MBOAT2: variants seen among roughly 807,000 people sequenced by gnomAD.
MBOAT2 encodes the protein membrane-bound glycerophospholipid O-acyltransferase 2.
Under a neutral mutation model 63.4 loss-of-function variants are expected in MBOAT2, and 28 were observed. That is an observed-to-expected ratio of 0.44 (90% CI 0.33 to 0.61). MBOAT2 has a LOEUF of 0.61. Among genes scored for constraint, MBOAT2 ranks in the 20% least tolerant of loss-of-function variants. The probability of loss-of-function intolerance (pLI) is 0.03; values close to 1 mark genes in which losing one functional copy is unlikely to be tolerated. For synonymous variants in MBOAT2, 211 were observed against 215.6 expected, an observed-to-expected ratio of 0.98 and a Z score of 0.19; for missense variants, 470 against 605.8, an observed-to-expected ratio of 0.78 and a Z score of 2.35.
chr2:8,941,775 A>G (rs1031225368), intron 3 of MBOAT2, among the ~76,000 whole-genome samples: 1 of 152,196 alleles, frequency 6.6e-6, no homozygotes, highest in Non-Finnish European at 1.5e-5. Context: ...GTACAGGTCT[A>G]AAGTATTACA....
At chr2:8,891,425 A>G (rs1455680578) in intron 4 of MBOAT2, among the ~76,000 whole-genome samples, 1 of 152,208 alleles carries the variant, frequency 6.6e-6, no homozygotes, top group African/African-American at 2.4e-5. Flanking sequence ...GGGAAAGGGC[A>G]TATCTCACCC....
chr2:8,937,670 C>T (rs1440035696), intron 3 of MBOAT2, among the ~76,000 whole-genome samples: 1 of 152,116 alleles, frequency 6.6e-6, no homozygotes, highest in Admixed American at 6.5e-5. Context: ...CACAGGGAAC[C>T]ACGCCTGCAG....
At chr2:8,912,345 AAGAAAGAGAAAGAAAGAAAGAAAGAAAG>A (rs1307776430) in intron 3 of MBOAT2, among the ~76,000 whole-genome samples, 3 of 87,708 alleles carry the variant, frequency 3.4e-5, no homozygotes, top group Non-Finnish European at 7.2e-5. Flanking sequence ...GAAAGAAAGA[AAGAAAGAGAAAGAAAGAAAGAAAGAAAG>A]AGAAAGAAAG....
At chr2:8,934,297 C>T (rs759988246) in intron 3 of MBOAT2, among the ~76,000 whole-genome samples, 1 of 152,174 alleles carries the variant, frequency 6.6e-6, no homozygotes, top group African/African-American at 2.4e-5. Flanking sequence ...ACAAACTCTC[C>T]TCAGTCTATT....
Position 8,858,864 on chromosome 2 carries a change from A to C in MBOAT2, c.1378T>G (p.Leu460Val), listed in dbSNP as rs1458494185. The change falls in exon 13 of 13, where the codon TTA becomes GTA. Residue 460 changes from leucine (L) to valine (V), a missense_variant. Leu to Val is a conservative substitution (Grantham distance 32, BLOSUM62 1). This residue lies in a region of MBOAT2 where 90 missense variants were observed against 84.9 expected (regional missense o/e 1.06). Transcript: ENST00000305997. The part of the protein sequence containing the change: ...YCLHILGILV[L>V]LLLPVKKTQR... ...GTTTTTTTCACTGGCAACAACAATA[A>C]TACTAAGATACCAAGAATGTGCAGG... 4 of 1,613,220 alleles carry C rather than the reference A, an allele frequency of 2.5e-6. No individual in the cohort carries two copies. The highest frequency in any genetic ancestry group is 1.1e-5 in the South Asian group (1 of 91,046).
Position 8,898,147 on chromosome 2 carries a change from C to T in MBOAT2, c.396-10074G>A, listed in dbSNP as rs995339929. Among the ~76,000 whole-genome samples the T allele has an allele frequency of 6.6e-5, 10 of 152,298 alleles. No individual in the cohort carries two copies. The South Asian group carries it at 1.0e-3, about 16-fold the overall frequency. The stretch of plus-strand genomic sequence containing the variant: ...AGGACTCCAAGAGCTATCCTTGCTC[C>T]TCTGTGACATACAAAGAGAAGTTTT... On this transcript the variant is annotated intron_variant, in intron 4 of 12. Coordinates refer to ENST00000305997, the MANE Select transcript of MBOAT2 (RefSeq NM_138799.4).
chr2:8,871,954 A>G (rs374231165), intron 8 of MBOAT2, among the ~76,000 whole-genome samples: 4 of 152,228 alleles, frequency 2.6e-5, no homozygotes, highest in African/African-American at 9.6e-5. Context: ...CAATACATAT[A>G]TAAAAGAGGT....
At chr2:8,888,924 T>C (rs968134931) in intron 4 of MBOAT2, among the ~76,000 whole-genome samples, 4 of 152,224 alleles carry the variant, frequency 2.6e-5, no homozygotes, top group African/African-American at 9.6e-5. Context: ...TTATCCTTTA[T>C]TACATTAGCT....
intron 1 of MBOAT2, among the ~76,000 whole-genome samples, chr2:8,974,721 T>C (rs755505772): frequency 2.6e-4 from 40 of 152,166 alleles, no homozygotes; most frequent in Non-Finnish European, 4.9e-4. Flanking sequence ...AAATAGATGA[T>C]TTTTTAAAAT....
rs745842248 is a variant in MBOAT2, at chr2:8,877,095, T to C, written c.625A>G (p.Ile209Val). 1.9e-6 allele frequency: 3 copies of C among 1,613,882 alleles called. No individual in the cohort carries two copies. The highest frequency in any genetic ancestry group is 4.5e-5 in the East Asian group (2 of 44,888). ...TTTCCATTTTCACCAGATTGTGTGA[T>C]ATGGTATGATCTGCCTTCAATGAAA... ...ITFIEGRSYH[I>V]TQSGENGKEE... is the part of the protein sequence containing the mutation. Residue 209 changes from isoleucine (I) to valine (V), a missense_variant, in exon 7 of 13, where the codon ATC (isoleucine) becomes GTC (valine). Physicochemically the swap from Ile to Val is conservative, Grantham distance 29. Transcript: ENST00000305997.
chr2:8,880,794 A>G (rs1458231214), intron 6 of MBOAT2, among the ~76,000 whole-genome samples: 2 of 152,266 alleles, frequency 1.3e-5, no homozygotes, highest in Non-Finnish European at 2.9e-5. Context: ...CAACTGGCCA[A>G]TGCTGCGAGG....
intron 4 of MBOAT2, among the ~76,000 whole-genome samples, chr2:8,890,305 C>T (rs936297315): frequency 6.6e-5 from 10 of 152,182 alleles, no homozygotes; most frequent in South Asian, 2.1e-4. Context: ...CACACACACA[C>T]GCGCGCACGC....
intron 1 of MBOAT2, among the ~76,000 whole-genome samples, chr2:8,995,955 A>T (rs1381967972): frequency 1.3e-5 from 2 of 152,226 alleles, no homozygotes; most frequent in African/African-American, 4.8e-5. Context: ...CAAGTCTGTT[A>T]TCTGTGATGG....
In MBOAT2 at chr2:8,864,058, T is replaced by A; in HGVS notation, c.1052+112A>T. On this transcript the variant is annotated intron_variant, in intron 10 of 12. Transcript: ENST00000305997. ...CAGTGTTTCCCGGCTGACACTGAGG[T>A]CACAATGTCACTCAACACCGTTAAT... The A allele has an allele frequency of 7.2e-6, 5 of 693,580 alleles. No individual in the cohort carries two copies. The South Asian group carries it at 1.2e-4, about 17-fold the overall frequency. 43.0% of individuals were successfully genotyped at this position (693,580 alleles called of 1,614,324 possible). A position where few individuals can be genotyped will look rare whatever the true frequency, so the allele number is the denominator to read the frequency against.
chr2:8,865,389 G>A (rs1661797919), intron 9 of MBOAT2, among the ~76,000 whole-genome samples: 1 of 152,016 alleles, frequency 6.6e-6, no homozygotes, highest in Non-Finnish European at 1.5e-5. Flanking sequence ...TACACACTCA[G>A]CTGCACACAC....
At chr2:8,959,862 G>A (rs888176704) in intron 1 of MBOAT2, among the ~76,000 whole-genome samples, 3 of 151,930 alleles carry the variant, frequency 2.0e-5, no homozygotes, top group African/African-American at 4.8e-5. Flanking sequence ...TTGACATTAG[G>A]AACCTGCAAA....
intron 2 of MBOAT2, among the ~76,000 whole-genome samples, chr2:8,944,854 C>T (rs1162473515): frequency 6.6e-6 from 1 of 152,182 alleles, no homozygotes. Flanking sequence ...AATTCACTGG[C>T]TGACTCCTGA....
At chr2:8,990,922 G>A (rs1671882777) in intron 1 of MBOAT2, among the ~76,000 whole-genome samples, 1 of 152,042 alleles carries the variant, frequency 6.6e-6, no homozygotes. Context: ...TTATACTAAG[G>A]ACCCCTTAAC....
At chr2:8,860,391 T>C (rs570108296) in intron 12 of MBOAT2, among the ~76,000 whole-genome samples, 1 of 152,350 alleles carries the variant, frequency 6.6e-6, no homozygotes, top group East Asian at 1.9e-4. Flanking sequence ...ACCTGGCTGA[T>C]ATTTCTCTGT....
Sources: allele counts gnomAD v4.1 joint callset (sites outside exome capture counted in the v4.1 genomes callset), GRCh38; gene constraint gnomAD v4.1.1; regional missense constraint gnomAD v4.1.1; transcripts MANE v1.5; gene names NCBI Gene and HGNC (gene_info 2026-07-23, HGNC 2026-07-21).